FUZ: variants seen among roughly 807,000 people sequenced by gnomAD.
FUZ encodes fuzzy planar cell polarity protein.
In FUZ, 31 loss-of-function variants were observed where a neutral mutation model predicts 43.1. That is an observed-to-expected ratio of 0.72 (90% CI 0.54 to 0.97). The LOEUF (loss-of-function observed/expected upper bound fraction) is 0.97. FUZ is among the 50% of genes least tolerant of loss of function. The pLI is 0.00. For synonymous variants in FUZ, 274 were observed against 250.0 expected, an observed-to-expected ratio of 1.10 and a Z score of -0.91; for missense variants, 539 against 543.8, an observed-to-expected ratio of 0.99 and a Z score of 0.09.
chr19:49,813,441 G>C (rs1284175937), upstream of FUZ: 5 of 423,856 alleles, frequency 1.2e-5, no homozygotes, highest in African/African-American at 2.0e-5. Flanking sequence ...GATGATGACT[G>C]CGCCAAGGCG....
At chr19:49,812,542 A>G (rs1438329418) in intron 2 of FUZ, 73 bp downstream of exon 2, 21 of 1,600,304 alleles carry the variant, frequency 1.3e-5, no homozygotes, top group Non-Finnish European at 1.5e-5. Flanking sequence ...GAGAGCTGGA[A>G]GGCCTCCGGG....
At position 49,809,179 on chromosome 19, in the gene FUZ, C is replaced by CTGAG; in HGVS notation, c.766_769dup (p.Ser257ThrfsTer64). On this transcript the variant is annotated frameshift_variant, in exon 7 of 11. Transcript: ENST00000313777. LOFTEE classifies it high-confidence loss of function. This position sits in a 1 kb window ranked among gnomAD's most constrained non-coding sequence, Gnocchi z 5.1. Reference sequence around the variant, plus strand: ...CGGGTTCACCTGTGGATACAACTGGCTGAGGGGTGGGCTCGGCCCGCAGAG... The same window carrying CTGAG: ...CGGGTTCACCTGTGGATACAACTGGCTGAGTGAGGGGTGGGCTCGGCCCGCAGAG... 6.4e-7 allele frequency: 1 copy of CTGAG among 1,551,706 alleles called. No individual in the cohort carries two copies. The highest frequency in any genetic ancestry group is 1.4e-5 in the African/African-American group (1 of 73,140).
In FUZ at chr19:49,809,025, G is replaced by C. The variant is rs1233385716; in HGVS notation, c.786+138C>G. The C allele has an allele frequency of 1.9e-5, 18 of 956,106 alleles. No homozygotes were observed. The highest frequency in any genetic ancestry group is 1.6e-5 in the Non-Finnish European group (10 of 611,860). 59.2% of individuals were successfully genotyped at this position (956,106 alleles called of 1,614,324 possible). ...AGAGGCGGGAGCGGCCGATCTTGGCGGGTAGGTGAATGACTGGAGCGCAGT... is the reference window on the plus strand; with the variant it reads ...AGAGGCGGGAGCGGCCGATCTTGGCCGGTAGGTGAATGACTGGAGCGCAGT... On this transcript the variant is annotated intron_variant, in intron 7 of 10. Coordinates refer to ENST00000313777, the MANE Select transcript of FUZ (RefSeq NM_025129.5). This position sits in a 1 kb window ranked among gnomAD's most constrained non-coding sequence, Gnocchi z 5.1.
At chr19:49,812,972 A>G in intron 1 of FUZ, 24 bp downstream of exon 1, 1 of 1,539,202 alleles carries the variant, frequency 6.5e-7, no homozygotes, top group Non-Finnish European at 8.8e-7. Flanking sequence ...CCTTCGGTTT[A>G]GATACAGGCG....
intron 1 of FUZ, 26 bp from the exon 2 acceptor site, chr19:49,812,762 C>G: frequency 1.2e-6 from 2 of 1,611,896 alleles, no homozygotes; most frequent in South Asian, 2.2e-5. Flanking sequence ...GGACATCAGA[C>G]AAGAGCACCC....
In FUZ at chr19:49,811,664, G is replaced by T; in HGVS notation, c.354C>A (p.Ile118=). 6.2e-7 allele frequency: 1 copy of T among 1,614,172 alleles called. No homozygotes were observed. The highest frequency in any genetic ancestry group is 8.5e-7 in the Non-Finnish European group (1 of 1,180,000). ...CCTTCTTCAGTCTCTCCACGTTGCG[G>T]ATATTGGTCAGTTCTTCAAGTCCCA... is the stretch of plus-strand genomic sequence containing the variant. ...LLVGLEELTN[I]RNVERLKKDL... Residue 118 remains isoleucine, a synonymous_variant, in exon 4 of 11, where the codon ATC becomes ATA. Transcript: ENST00000313777.
At chr19:49,812,547 T>C (rs2073843307) in intron 2 of FUZ, 68 bp downstream of exon 2, 1 of 1,607,940 alleles carries the variant, frequency 6.2e-7, no homozygotes, top group African/African-American at 1.3e-5. Context: ...CTGGAAGGCC[T>C]CCGGGGTCAT....
chr19:49,812,482 G>C, intron 2 of FUZ, 133 bp downstream of exon 2: 2 of 1,381,416 alleles, frequency 1.4e-6, no homozygotes, highest in Non-Finnish European at 2.1e-6. Flanking sequence ...GGATCAAAGA[G>C]GGTAACTGGC....
In FUZ at chr19:49,812,671, C is replaced by T. The variant is rs1315517108; in HGVS notation, c.177G>A (p.Gln59=). 6.2e-7 allele frequency: 1 copy of T among 1,614,162 alleles called. No homozygotes were observed. The highest frequency in any genetic ancestry group is 2.2e-5 in the East Asian group (1 of 44,878). The change falls in exon 2 of 11, where the codon CAG becomes CAA. Residue 59 remains glutamine (Q), a synonymous_variant. Coordinates refer to ENST00000313777, the MANE Select transcript of FUZ (RefSeq NM_025129.5). ...VHMFGQNLEV[Q]LSSARTENTT... ...TGTTCTCGGTCCTCGCAGAGCTCAGCTGCACCTCCAGATTCTGCCCAAACA... is the reference window on the plus strand; with the variant it reads ...TGTTCTCGGTCCTCGCAGAGCTCAGTTGCACCTCCAGATTCTGCCCAAACA...
At position 49,807,134 on chromosome 19, in the gene FUZ, C is replaced by T; in HGVS notation, c.*17G>A. 1 of 1,601,290 alleles carries T rather than the reference C, an allele frequency of 6.2e-7. No homozygotes were observed. Among genetic ancestry groups the T allele is most frequent in the Non-Finnish European group, 8.5e-7 (1 of 1,172,396 alleles). Reference sequence around the variant, plus strand: ...CTAACAGCCCCATGTCTGTGTCCATCACCCACTGCTAGGTAGTCAAAGAAG... The same window carrying T: ...CTAACAGCCCCATGTCTGTGTCCATTACCCACTGCTAGGTAGTCAAAGAAG... On this transcript the variant is annotated 3_prime_UTR_variant, in exon 11 of 11. Transcript: ENST00000313777.
intron 10 of FUZ, 70 bp from the exon 11 acceptor site, chr19:49,807,444 G>T: frequency 6.8e-7 from 1 of 1,465,950 alleles, no homozygotes; most frequent in Non-Finnish European, 9.4e-7. Context: ...ACCACATCCT[G>T]ATCCCAAGTT....
Position 49,807,278 on chromosome 19 carries a change from C to T in FUZ, c.1130G>A (p.Gly377Glu). 1 of 1,613,464 alleles carries T rather than the reference C, an allele frequency of 6.2e-7. No individual in the cohort carries two copies. The change falls in exon 11 of 11, where the codon GGA (glycine) becomes GAA (glutamate). Residue 377 changes from glycine (G) to glutamate (E), a missense_variant. Physicochemically the swap from Gly to Glu is moderately conservative, Grantham distance 98. Transcript: ENST00000313777. ...LVLGTEEPGT[G>E]VRLVALQLGL... is the part of the protein sequence containing the mutation. ...CAGCTGCAAGGCCACCAGACGCACT[C>T]CTGTGCCTGGTTCCTCAGTCCCCAA...
upstream of FUZ, chr19:49,813,318 C>T (rs1304228326): frequency 3.0e-6 from 2 of 659,084 alleles, no homozygotes; most frequent in African/African-American, 3.6e-5. Context: ...ATTAGGTTCT[C>T]TTCCGCCCTA....
Position 49,808,632 on chromosome 19 carries a change from C to G in FUZ, c.900G>C (p.Leu300=), listed in dbSNP as rs374092791. ...AGCGCTTCAGTTCCAGGTGGAGGAG[C>G]AGCAGCCTGTGGGAAAGGGAAGGGA... ...FPLHTDILGL[L]LLHLELKRCL... is the part of the protein sequence containing the mutation. Residue 300 remains leucine, a synonymous_variant, in exon 9 of 11, where the codon CTG becomes CTC. Transcript: ENST00000313777. The G allele has an allele frequency of 3.1e-6, 5 of 1,613,308 alleles. No individual in the cohort carries two copies. Among genetic ancestry groups the G allele is most frequent in the Non-Finnish European group, 4.2e-6 (5 of 1,179,714 alleles).
At position 49,809,296 on chromosome 19, in the gene FUZ, G is replaced by A; in HGVS notation, c.691-38C>T. ...ACAGGCTGGGGCTCATCGCGGCCCG[G>A]CCCCTTTCCATCGCAGATCCCGCCT... On this transcript the variant is annotated intron_variant, in intron 6 of 10. Transcript: ENST00000313777. This position sits in a 1 kb window ranked among gnomAD's most constrained non-coding sequence, Gnocchi z 5.1. 6 of 1,549,126 alleles carry A rather than the reference G, an allele frequency of 3.9e-6. No homozygotes were observed. Among genetic ancestry groups the A allele is most frequent in the Non-Finnish European group, 4.4e-6 (5 of 1,146,364 alleles).
chr19:49,808,544 A>ACCCCTGCCCCTG (rs201750052), intron 9 of FUZ, 30 bp downstream of exon 9: 30 of 1,591,306 alleles, frequency 1.9e-5, no homozygotes, highest in Non-Finnish European at 2.3e-5. Context: ...CGCCCCTCCT[A>ACCCCTGCCCCTG]CCCCTGCCCC....
chr19:49,808,840 C>T lies in FUZ; in HGVS notation c.787-17G>A. On this transcript the variant is annotated splice_polypyrimidine_tract_variant and intron_variant, in intron 7 of 10. Coordinates refer to ENST00000313777, the MANE Select transcript of FUZ (RefSeq NM_025129.5). ...CTCCAGAAGCTGCAGGGGGCGTGGT[C>T]ATTGTGAGGTCGTCATGGGAAGGCG... The T allele has an allele frequency of 1.3e-6, 2 of 1,534,726 alleles. No individual in the cohort carries two copies. The highest frequency in any genetic ancestry group is 1.8e-6 in the Non-Finnish European group (2 of 1,140,988).
At chr19:49,811,595 A>T in intron 4 of FUZ, 36 bp downstream of exon 4, 1 of 1,606,790 alleles carries the variant, frequency 6.2e-7, no homozygotes, top group Non-Finnish European at 8.5e-7. Context: ...GTGCCCAGGT[A>T]TCCTAACTTC....
intron 1 of FUZ, 68 bp from the exon 2 acceptor site, chr19:49,812,804 T>C: frequency 6.3e-7 from 1 of 1,590,840 alleles, no homozygotes; most frequent in Admixed American, 1.7e-5. Flanking sequence ...GACCCAAGTG[T>C]GCCAGCTCCC....
Sources: allele counts gnomAD v4.1 joint callset, GRCh38; gene constraint gnomAD v4.1.1; non-coding constraint Gnocchi (gnomAD v3.1); transcripts MANE v1.5; gene names NCBI Gene and HGNC (gene_info 2026-07-23, HGNC 2026-07-21).